The following ARHGEF4 variants were observed in gnomAD, a reference collection of about 807,000 sequenced individuals.
The protein encoded by ARHGEF4 is APC-stimulated guanine nucleotide exchange factor 1.
Under a neutral mutation model 162.0 loss-of-function variants are expected in ARHGEF4, and 119 were observed. That is an observed-to-expected ratio of 0.73 (90% CI 0.63 to 0.86). The LOEUF is 0.86. ARHGEF4 is among the 40% of genes least tolerant of loss of function. The pLI is 0.00. For missense variants in ARHGEF4, 2,488 were observed against 2,456.0 expected (o/e 1.01, Z -0.28); for synonymous variants, 1,014 against 979.9 (o/e 1.03, Z -0.65).
chr2:131,013,060 C>T (rs991321313), intron 4 of ARHGEF4, among the ~76,000 whole-genome samples: 2 of 152,168 alleles, frequency 1.3e-5, no homozygotes, highest in Non-Finnish European at 2.9e-5. Context: ...TCGGCAGTTA[C>T]CTAGGACTAA....
intron 2 of ARHGEF4, among the ~76,000 whole-genome samples, chr2:130,921,567 C>T (rs1681876850): frequency 6.6e-6 from 1 of 152,182 alleles, no homozygotes; most frequent in Non-Finnish European, 1.5e-5. Context: ...CCTTTGCTCT[C>T]TGTTCTCATT....
At chr2:130,903,700 C>G (rs11894824) in intron 1 of ARHGEF4, among the ~76,000 whole-genome samples, 2,956 of 152,270 alleles carry the variant, frequency 0.019, 80 homozygotes, top group African/African-American at 0.066. Flanking sequence ...CTCCTCTCCC[C>G]CAAATGTTTA....
chr2:130,911,595 C>CTGTA (rs1173236847), intron 1 of ARHGEF4, among the ~76,000 whole-genome samples: 3 of 152,330 alleles, frequency 2.0e-5, no homozygotes, highest in Admixed American at 2.0e-4. Context: ...ATTTCAGTAT[C>CTGTA]TGTACACTGC....
rs140173572 is a variant in ARHGEF4, at chr2:130,946,523, G to T, written c.3873G>T (p.Thr1291=). The T allele has an allele frequency of 6.2e-7, 1 of 1,611,714 alleles. No homozygotes were observed. Reference sequence around the variant, plus strand: ...TCCTCTTCCAGTGCTGGAGAAAGACGATCATTACCTCTCCAGAGTCTTTGA... The same window carrying T: ...TCCTCTTCCAGTGCTGGAGAAAGACTATCATTACCTCTCCAGAGTCTTTGA... The part of the protein sequence containing the change: ...HKDGVKCWRK[T]IITSPESLNL... Residue 1291 remains threonine, a synonymous_variant, in exon 4 of 14, where the codon ACG becomes ACT. Coordinates refer to ENST00000409359, the MANE Select transcript of ARHGEF4 (RefSeq NM_001367493.1).
chr2:130,946,924 GA>G, intron 4 of ARHGEF4: 1 of 288,436 alleles, frequency 3.5e-6, no homozygotes, highest in South Asian at 4.1e-5. Context: ...GCAACATGGT[GA>G]AACCCCATCT....
rs939184697 is a variant in ARHGEF4, at chr2:130,917,115, G to A, written c.3169G>A (p.Gly1057Ser). 9.0e-6 allele frequency: 14 copies of A among 1,550,290 alleles called. No individual in the cohort carries two copies. Among genetic ancestry groups the A allele is most frequent in the South Asian group, 1.2e-5 (1 of 84,034 alleles). The stretch of plus-strand genomic sequence containing the variant: ...GGAAAAGTCCTGGCTGGCGTCCCCC[G>A]GCAGCCCTCGGGCCCAGCAGGCTGG... ...FPEKSWLASP[G>S]SPRAQQAGIA... The change falls in exon 2 of 14, where the codon GGC becomes AGC. Residue 1057 changes from glycine (G) to serine (S), a missense_variant. Gly to Ser is a moderately conservative substitution (Grantham distance 56). This residue lies in a region of ARHGEF4 where 1,642 missense variants were observed against 1,481.5 expected (regional missense o/e 1.11). Coordinates refer to ENST00000409359, the MANE Select transcript of ARHGEF4 (RefSeq NM_001367493.1).
At chr2:130,842,223 G>C (rs1680659961) in intron 1 of ARHGEF4, among the ~76,000 whole-genome samples, 1 of 152,176 alleles carries the variant, frequency 6.6e-6, no homozygotes, top group Admixed American at 6.5e-5. Context: ...GAGGAGCAAG[G>C]GTTCAGTGGG....
At chr2:130,985,756 T>G (rs1005356996) in intron 4 of ARHGEF4, among the ~76,000 whole-genome samples, 18 of 151,840 alleles carry the variant, frequency 1.2e-4, no homozygotes, top group African/African-American at 3.4e-4. Flanking sequence ...GTGGTGTGTG[T>G]TGTGTGTGTT....
At chr2:130,939,111 T>G (rs1167828507) in intron 3 of ARHGEF4, among the ~76,000 whole-genome samples, 1 of 152,204 alleles carries the variant, frequency 6.6e-6, no homozygotes, top group East Asian at 1.9e-4. Flanking sequence ...TGTGTCCATA[T>G]GTACTCAATG....
chr2:130,895,034 A>G (rs913083849), intron 1 of ARHGEF4, among the ~76,000 whole-genome samples: 3 of 152,196 alleles, frequency 2.0e-5, no homozygotes, highest in African/African-American at 7.2e-5. Context: ...TATCCCCACA[A>G]TCATCAAAAG....
At chr2:130,874,551 G>T (rs1410332455) in intron 1 of ARHGEF4, among the ~76,000 whole-genome samples, 1 of 152,188 alleles carries the variant, frequency 6.6e-6, no homozygotes, top group African/African-American at 2.4e-5. Flanking sequence ...GTGGGAATAC[G>T]ACTGCTTTCA....
At chr2:130,999,027 G>T (rs1206337980) in intron 4 of ARHGEF4, among the ~76,000 whole-genome samples, 9 of 152,104 alleles carry the variant, frequency 5.9e-5, no homozygotes. Context: ...TGTAGTGGTG[G>T]CTCTTTATTA....
intron 4 of ARHGEF4, among the ~76,000 whole-genome samples, chr2:131,016,467 G>C (rs1223298869): frequency 6.6e-6 from 1 of 152,222 alleles, no homozygotes; most frequent in Non-Finnish European, 1.5e-5. Context: ...ACCCTGCCCA[G>C]TGCCCCCCAT....
At chr2:130,886,220 T>C (rs1679509256) in intron 1 of ARHGEF4, among the ~76,000 whole-genome samples, 1 of 152,112 alleles carries the variant, frequency 6.6e-6, no homozygotes, top group South Asian at 2.1e-4. Flanking sequence ...TGGATTTGAT[T>C]TGATGATGCT....
chr2:130,913,685 C>G (rs1681326957), intron 1 of ARHGEF4, among the ~76,000 whole-genome samples: 1 of 152,228 alleles, frequency 6.6e-6, no homozygotes, highest in South Asian at 2.1e-4. Context: ...TTCGCCATGA[C>G]TCATGCAACA....
At chr2:130,951,638 G>C (rs1683964780) in intron 4 of ARHGEF4, among the ~76,000 whole-genome samples, 1 of 151,994 alleles carries the variant, frequency 6.6e-6, no homozygotes, top group Non-Finnish European at 1.5e-5. Flanking sequence ...TTCACTGAGT[G>C]AATATTTTCT....
intron 5 of ARHGEF4, among the ~76,000 whole-genome samples, chr2:131,032,161 G>A (rs955073916): frequency 8.6e-5 from 13 of 152,006 alleles, no homozygotes; most frequent in African/African-American, 1.7e-4. Flanking sequence ...GGATGAGCAC[G>A]AGGTGTCTGG....
chr2:130,988,870 GTGTATATATATATA>G (rs1294045711), intron 4 of ARHGEF4, among the ~76,000 whole-genome samples: 14 of 29,282 alleles, frequency 4.8e-4, no homozygotes, highest in East Asian at 1.9e-3. Flanking sequence ...GTGTGTGTGT[GTGTATATATATATA>G]TATATATATA....
intron 4 of ARHGEF4, among the ~76,000 whole-genome samples, chr2:130,999,161 T>TC (rs1687595879): frequency 7.7e-6 from 1 of 130,400 alleles, no homozygotes; most frequent in Admixed American, 7.8e-5. Flanking sequence ...TTGTTTTTTC[T>TC]TTTTTTTTTT....
Sources: allele counts gnomAD v4.1 joint callset (sites outside exome capture counted in the v4.1 genomes callset), GRCh38; gene constraint gnomAD v4.1.1; regional missense constraint gnomAD v4.1.1; transcripts MANE v1.5; gene names NCBI Gene and HGNC (gene_info 2026-07-23, HGNC 2026-07-21).